ATRN: variants seen among roughly 807,000 people sequenced by gnomAD.
ATRN encodes the protein attractin-2.
ATRN carries 54 observed loss-of-function variants against 178.7 expected under a neutral mutation model. That is an observed-to-expected ratio of 0.30 (90% CI 0.24 to 0.38). ATRN has a LOEUF of 0.38. ATRN is among the 10% of genes least tolerant of loss of function. ATRN has a pLI of 1.00. For synonymous variants in ATRN, 636 were observed against 663.0 expected, an observed-to-expected ratio of 0.96 and a Z score of 0.63; for missense variants, 1,443 against 1,815.1, an observed-to-expected ratio of 0.79 and a Z score of 3.73.
chr20:3,646,147 G>A (rs1370019464), intron 28 of ATRN, among the ~76,000 whole-genome samples: 1 of 152,134 alleles, frequency 6.6e-6, no homozygotes, highest in African/African-American at 2.4e-5. Context: ...AGGAAACTGA[G>A]GTGCAGGGAG....
At chr20:3,588,075 G>C (rs1443088295) in intron 18 of ATRN, among the ~76,000 whole-genome samples, 1 of 152,078 alleles carries the variant, frequency 6.6e-6, no homozygotes, top group Non-Finnish European at 1.5e-5. Flanking sequence ...TTGAACTCCT[G>C]AGCTCAAAGC....
intron 18 of ATRN, among the ~76,000 whole-genome samples, chr20:3,587,049 T>C (rs2086368063): frequency 6.6e-6 from 1 of 152,254 alleles, no homozygotes; most frequent in Admixed American, 6.5e-5. Flanking sequence ...GAGAAATATT[T>C]AGTCAAATTC....
At chr20:3,602,544 G>A (rs2086624476) in intron 23 of ATRN, among the ~76,000 whole-genome samples, 4 of 152,040 alleles carry the variant, frequency 2.6e-5, no homozygotes, top group Non-Finnish European at 5.9e-5. Flanking sequence ...CGCCACTTAC[G>A]TTTATCATCT....
At chr20:3,537,147 A>G (rs2085545649) in intron 2 of ATRN, among the ~76,000 whole-genome samples, 1 of 152,206 alleles carries the variant, frequency 6.6e-6, no homozygotes, top group Non-Finnish European at 1.5e-5. Flanking sequence ...TAGTATCCCC[A>G]TCAATCTCCT....
intron 24 of ATRN, among the ~76,000 whole-genome samples, chr20:3,612,134 C>T (rs1173814556): frequency 2.0e-5 from 3 of 152,050 alleles, no homozygotes; most frequent in African/African-American, 7.2e-5. Flanking sequence ...CAAATGAATG[C>T]TTAAATAAAT....
At chr20:3,629,111 C>T (rs1223413275) in intron 25 of ATRN, 6 of 985,162 alleles carry the variant, frequency 6.1e-6, no homozygotes, top group Non-Finnish European at 4.8e-6. Flanking sequence ...GAGCTGTGGC[C>T]GTCAGTGCAC....
At chr20:3,494,510 A>T (rs990725760) in intron 1 of ATRN, among the ~76,000 whole-genome samples, 17 of 152,168 alleles carry the variant, frequency 1.1e-4, no homozygotes, top group Admixed American at 7.9e-4. Context: ...GACTAGGAGG[A>T]GGAGAATTTG....
rs116261349 is a variant in ATRN at position 3,599,669 on chromosome 20, A to G, written c.3565-1277A>G. 5.5e-3 allele frequency among the ~76,000 whole-genome samples: 834 copies of G among 152,294 alleles called. 11 individuals carry two copies. Among genetic ancestry groups the G allele is most frequent in the African/African-American group, 0.019 (803 of 41,564 alleles). On this transcript the variant is annotated intron_variant, in intron 22 of 28. Transcript: ENST00000262919. ...AGTATACAGAGGGTGGACTTTTCAT[A>G]TGCAAGGGTTCTATGGGCAGACTGC...
intron 10 of ATRN, among the ~76,000 whole-genome samples, chr20:3,564,277 C>A (rs2085997189): frequency 1.3e-5 from 2 of 152,190 alleles, no homozygotes; most frequent in South Asian, 4.1e-4. Flanking sequence ...ATGAGAGCAC[C>A]TCTGAGTACC....
At chr20:3,621,729 G>T (rs1349752834) in intron 24 of ATRN, among the ~76,000 whole-genome samples, 1 of 152,064 alleles carries the variant, frequency 6.6e-6, no homozygotes, top group African/African-American at 2.4e-5. Flanking sequence ...GTGAAAGAAA[G>T]ATTTGATTGG....
intron 24 of ATRN, among the ~76,000 whole-genome samples, chr20:3,619,749 C>G (rs1390029184): frequency 6.6e-6 from 1 of 152,194 alleles, no homozygotes; most frequent in East Asian, 1.9e-4. Flanking sequence ...TCTCTTCCCT[C>G]AGGAACATAC....
chr20:3,517,875 G>A (rs957765860), intron 1 of ATRN, among the ~76,000 whole-genome samples: 6 of 151,934 alleles, frequency 3.9e-5, no homozygotes, highest in African/African-American at 1.2e-4. Flanking sequence ...AGGAGTCTTC[G>A]TAGCTTCCCA....
chr20:3,576,573 G>T (rs2146249027), intron 13 of ATRN, among the ~76,000 whole-genome samples: 1 of 152,226 alleles, frequency 6.6e-6, no homozygotes, highest in Admixed American at 6.5e-5. Flanking sequence ...TTGAGGCATG[G>T]TGTTTAAAAG....
At chr20:3,519,888 C>G (rs2085266253) in intron 1 of ATRN, among the ~76,000 whole-genome samples, 1 of 152,004 alleles carries the variant, frequency 6.6e-6, no homozygotes, top group South Asian at 2.1e-4. Context: ...GACTGCAATC[C>G]AAGAATACCA....
chr20:3,635,530 C>T (rs2087019218), intron 26 of ATRN, among the ~76,000 whole-genome samples: 1 of 152,100 alleles, frequency 6.6e-6, no homozygotes, highest in Non-Finnish European at 1.5e-5. Flanking sequence ...TGGAAATGCT[C>T]ACGTGTATAT....
intron 2 of ATRN, among the ~76,000 whole-genome samples, chr20:3,537,812 T>A (rs1283117187): frequency 6.6e-6 from 1 of 151,906 alleles, no homozygotes; most frequent in Non-Finnish European, 1.5e-5. Context: ...GTTTCCAGCT[T>A]CATCCATGTC....
chr20:3,499,706 C>T (rs28761180), intron 1 of ATRN, among the ~76,000 whole-genome samples: 6,932 of 147,884 alleles, frequency 0.047, 494 homozygotes, highest in African/African-American at 0.16. Context: ...AAGACTTAAA[C>T]GTTAGACCTA....
chr20:3,565,292 G>C (rs970001273), intron 10 of ATRN, 56 bp from the exon 11 acceptor site: 2 of 1,359,936 alleles, frequency 1.5e-6, no homozygotes, highest in African/African-American at 1.4e-5. Context: ...GAAAATGTCA[G>C]GTCCTGTTGA....
At chr20:3,489,500 G>A in intron 1 of ATRN, 2 of 1,237,444 alleles carry the variant, frequency 1.6e-6, no homozygotes, top group Non-Finnish European at 2.4e-6. Flanking sequence ...GCCTGGGCTA[G>A]CCCAAAAGCT....
Sources: allele counts gnomAD v4.1 joint callset (sites outside exome capture counted in the v4.1 genomes callset), GRCh38; gene constraint gnomAD v4.1.1; transcripts MANE v1.5; gene names NCBI Gene and HGNC (gene_info 2026-07-23, HGNC 2026-07-21).